DENND1B: variants seen among roughly 807,000 people sequenced by gnomAD.
The protein encoded by DENND1B is DENN domain-containing protein 1B.
Under a neutral mutation model 90.1 loss-of-function variants are expected in DENND1B, and 59 were observed. That is an observed-to-expected ratio of 0.65 (90% CI 0.53 to 0.81). DENND1B has a LOEUF of 0.81. Ranked by LOEUF, DENND1B falls within the 40% of genes least tolerant of loss-of-function variation. The pLI is 0.00. For synonymous variants in DENND1B, 337 were observed against 324.6 expected (o/e 1.04, Z -0.41); for missense variants, 862 against 912.6 (o/e 0.94, Z 0.71).
At chr1:197,717,250 C>A (rs1214279299) in intron 2 of DENND1B, among the ~76,000 whole-genome samples, 2 of 151,860 alleles carry the variant, frequency 1.3e-5, no homozygotes, top group South Asian at 2.1e-4. Context: ...CAACTTTATG[C>A]ACAAAGACTG....
intron 2 of DENND1B, among the ~76,000 whole-genome samples, chr1:197,756,532 C>T (rs964924745): frequency 4.9e-5 from 7 of 142,632 alleles, no homozygotes; most frequent in African/African-American, 8.1e-5. Context: ...GCCAAGATCG[C>T]ACCACTGCAC....
At chr1:197,755,904 C>A (rs991879550) in intron 2 of DENND1B, among the ~76,000 whole-genome samples, 1 of 152,144 alleles carries the variant, frequency 6.6e-6, no homozygotes, top group African/African-American at 2.4e-5. Flanking sequence ...CATCTCCCAG[C>A]GGGTCCCTCC....
intron 18 of DENND1B, among the ~76,000 whole-genome samples, chr1:197,544,911 GAAAAGAAGAAGAAAA>G (rs1231747904): frequency 2.5e-3 from 11 of 4,332 alleles, no homozygotes; most frequent in East Asian, 0.013. Flanking sequence ...GAAAGAAGAA[GAAAAGAAGAAGAAAA>G]GAGAAGAAGA....
intron 10 of DENND1B, among the ~76,000 whole-genome samples, chr1:197,627,462 T>C (rs977519078): frequency 2.6e-5 from 4 of 152,122 alleles, no homozygotes; most frequent in Non-Finnish European, 5.9e-5. Flanking sequence ...GAAAAGGCCT[T>C]TGACAAAATT....
At chr1:197,559,431 G>C (rs1008368570) in intron 15 of DENND1B, among the ~76,000 whole-genome samples, 9 of 151,502 alleles carry the variant, frequency 5.9e-5, no homozygotes, top group Non-Finnish European at 1.0e-4. Context: ...CAAAGCTGCA[G>C]AAGTGCTGAA....
At chr1:197,638,560 C>T (rs918136815) in intron 10 of DENND1B, among the ~76,000 whole-genome samples, 1 of 152,174 alleles carries the variant, frequency 6.6e-6, no homozygotes, top group African/African-American at 2.4e-5. Context: ...AGGCATATGA[C>T]AAGGCTTCAT....
At chr1:197,720,106 T>C (rs905939194) in intron 2 of DENND1B, among the ~76,000 whole-genome samples, 2 of 152,186 alleles carry the variant, frequency 1.3e-5, no homozygotes, top group African/African-American at 4.8e-5. Flanking sequence ...CATCTATTTA[T>C]CCAAGTGTAC....
intron 20 of DENND1B, among the ~76,000 whole-genome samples, chr1:197,518,263 C>T (rs1245464954): frequency 3.3e-5 from 5 of 151,900 alleles, no homozygotes; most frequent in Non-Finnish European, 7.4e-5. Flanking sequence ...CTGCATCTTT[C>T]ATTGTCTTCA....
At chr1:197,595,407 G>A (rs1248908477) in intron 13 of DENND1B, 74 bp from the exon 14 acceptor site, 4 of 1,563,084 alleles carry the variant, frequency 2.6e-6, no homozygotes, top group African/African-American at 2.7e-5. Context: ...CAATCAGCAG[G>A]CAAACCACAG....
intron 2 of DENND1B, among the ~76,000 whole-genome samples, chr1:197,737,365 A>G (rs1466384320): frequency 6.6e-6 from 1 of 152,210 alleles, no homozygotes; most frequent in Non-Finnish European, 1.5e-5. Context: ...CATCCTTAAA[A>G]TAATCAAAGT....
At chr1:197,585,614 C>T (rs1291545580) in intron 14 of DENND1B, among the ~76,000 whole-genome samples, 1 of 152,198 alleles carries the variant, frequency 6.6e-6, no homozygotes, top group Non-Finnish European at 1.5e-5. Flanking sequence ...TGTGATGACA[C>T]AAATCATGGA....
At chr1:197,649,582 G>C (rs1652884630) in intron 7 of DENND1B, among the ~76,000 whole-genome samples, 1 of 152,124 alleles carries the variant, frequency 6.6e-6, no homozygotes, top group Non-Finnish European at 1.5e-5. Flanking sequence ...ACAGCCAACT[G>C]ATCTTCGACA....
chr1:197,560,412 T>C (rs1424110370), intron 15 of DENND1B, among the ~76,000 whole-genome samples: 1 of 151,804 alleles, frequency 6.6e-6, no homozygotes, highest in Admixed American at 6.6e-5. Flanking sequence ...ATGTAGTATG[T>C]GAGAAAGTGA....
Position 197,595,282 on chromosome 1 carries a change from C to T in DENND1B, c.973G>A (p.Gly325Arg). 6.2e-7 allele frequency: 1 copy of T among 1,613,316 alleles called. No homozygotes were observed. Residue 325 changes from glycine to arginine, a missense_variant, in exon 14 of 23, where the codon GGA (glycine) becomes AGA (arginine). Gly to Arg is a moderately radical substitution (Grantham distance 125, BLOSUM62 -2). Coordinates refer to ENST00000620048, the MANE Select transcript of DENND1B (RefSeq NM_001195215.2). ...GCTCTAAGAAAGGCCCTAGCTACTCCATCACCCGTAGCTGTAGACTGCTTC... is the reference window on the plus strand; with the variant it reads ...GCTCTAAGAAAGGCCCTAGCTACTCTATCACCCGTAGCTGTAGACTGCTTC... Reference protein sequence around the residue: ...LKKQSTATGDGVARAFLRAQA... With the variant: ...LKKQSTATGDRVARAFLRAQA...
intron 3 of DENND1B, among the ~76,000 whole-genome samples, chr1:197,704,854 A>G (rs1659372766): frequency 6.6e-6 from 1 of 152,094 alleles, no homozygotes; most frequent in African/African-American, 2.4e-5. Flanking sequence ...AAAAAAAAAA[A>G]TAAAGCTAAA....
At chr1:197,759,863 C>A (rs916511390) in intron 2 of DENND1B, among the ~76,000 whole-genome samples, 1 of 151,896 alleles carries the variant, frequency 6.6e-6, no homozygotes, top group African/African-American at 2.4e-5. Flanking sequence ...TCCTCAAACC[C>A]AGCTTTTAAA....
intron 20 of DENND1B, among the ~76,000 whole-genome samples, chr1:197,530,505 T>C (rs1159683576): frequency 1.3e-5 from 2 of 152,192 alleles, no homozygotes; most frequent in African/African-American, 2.4e-5. Flanking sequence ...AAATAAGATA[T>C]TTCTTGGTAC....
At chr1:197,731,485 T>A (rs1372875665) in intron 2 of DENND1B, among the ~76,000 whole-genome samples, 1 of 152,164 alleles carries the variant, frequency 6.6e-6, no homozygotes, top group Middle Eastern at 3.2e-3. Context: ...TCTAAAACTT[T>A]CAGTAGTATA....
At chr1:197,637,326 G>A (rs1679887426) in intron 10 of DENND1B, among the ~76,000 whole-genome samples, 1 of 152,102 alleles carries the variant, frequency 6.6e-6, no homozygotes. Context: ...GAGCCTAGGG[G>A]AATGACAAGT....
Sources: gnomAD v4.1 joint callset for allele counts (sites outside exome capture counted in the v4.1 genomes callset) on GRCh38, gnomAD v4.1.1 for gene constraint, MANE v1.5 for transcripts, NCBI Gene and HGNC (gene_info 2026-07-23, HGNC 2026-07-21) for gene names.